Variants in SPINK6 observed in about 807,000 individuals in gnomAD.
SPINK6 encodes serine protease inhibitor Kazal-type 6.
Under a neutral mutation model 11.7 loss-of-function variants are expected in SPINK6, and 13 were observed. The observed-to-expected ratio is 1.11, with a 90% confidence interval of 0.72 to 1.76. The LOEUF is 1.76. SPINK6 is among the 40% of genes most tolerant of loss of function. The pLI is 0.00. For synonymous variants in SPINK6, 21 were observed against 31.9 expected (o/e 0.66, Z 1.15); for missense variants, 98 against 93.7 (o/e 1.05, Z -0.19).
chr5:148,205,914 T>C (rs1755491519), intron 1 of SPINK6, 122 bp from the exon 2 acceptor site: 1 of 992,864 alleles, frequency 1.0e-6, no homozygotes, highest in Non-Finnish European at 1.5e-6. Context: ...ACAAAAAAAA[T>C]ACGATGACTT....
At chr5:148,203,706 A>C (rs530083951) in intron 1 of SPINK6, among the ~76,000 whole-genome samples, 2 of 152,346 alleles carry the variant, frequency 1.3e-5, no homozygotes, top group South Asian at 4.1e-4. Context: ...AAAATCTTTG[A>C]AAATATGTAA....
chr5:148,203,185 A>C lies in SPINK6; in HGVS notation c.58+31A>C, dbSNP rs753307138. On this transcript the variant is annotated intron_variant, in intron 1 of 3. Coordinates refer to ENST00000325630, the MANE Select transcript of SPINK6 (RefSeq NM_205841.4). ...TTTTTTCTTAAAATTAAGATCCCAT[A>C]TTTATACTGAACTGGATATGATGAG... 1.2e-5 allele frequency: 19 copies of C among 1,531,312 alleles called. No individual in the cohort carries two copies. In the Admixed American group the frequency reaches 1.4e-4, roughly 11 times the overall value. 94.9% of individuals were successfully genotyped at this position (1,531,312 alleles called of 1,614,324 possible). A position where few individuals can be genotyped will look rare whatever the true frequency, so the allele number is the denominator to read the frequency against.
rs1034796680 is a variant in SPINK6 at position 148,206,624 on chromosome 5, A to C, written c.81+566A>C. On this transcript the variant is annotated intron_variant, in intron 2 of 3. Transcript: ENST00000325630. ...GAGGATATACAGACTGATTCACTCAAATTTTAATAATATTTGGTTTAAAAA... is the reference window on the plus strand; with the variant it reads ...GAGGATATACAGACTGATTCACTCACATTTTAATAATATTTGGTTTAAAAA... Among the ~76,000 whole-genome samples, 3 of 152,200 alleles carry C rather than the reference A, an allele frequency of 2.0e-5. No individual in the cohort carries two copies. The South Asian group carries it at 6.2e-4, about 31-fold the overall frequency.
intron 1 of SPINK6, among the ~76,000 whole-genome samples, chr5:148,205,433 T>C (rs1451084441): frequency 6.6e-6 from 1 of 152,182 alleles, no homozygotes; most frequent in Non-Finnish European, 1.5e-5. Context: ...AACAAGACTA[T>C]ATATATGGGA....
Position 148,210,007 on chromosome 5 carries a change from C to CATACACATGTACGTATGT in SPINK6, c.82-3901_82-3900insACACATGTACGTATGTAT, listed in dbSNP as rs1554112271. Among the ~76,000 whole-genome samples the CATACACATGTACGTATGT allele has an allele frequency of 4.7e-5, 5 of 105,736 alleles. 2 individuals carry two copies. Among genetic ancestry groups the CATACACATGTACGTATGT allele is most frequent in the Middle Eastern group, 9.4e-3 (2 of 212 alleles). 69.4% of individuals were successfully genotyped at this position (105,736 alleles called of 152,430 possible). On this transcript the variant is annotated intron_variant, in intron 2 of 3. Coordinates refer to ENST00000325630, the MANE Select transcript of SPINK6 (RefSeq NM_205841.4). ...ATGTATACATATACACGTATGTATA[C>CATACACATGTACGTATGT]ATGTATGTACGCATGTACGCATGCA...
chr5:148,203,235 C>A, intron 1 of SPINK6, 81 bp downstream of exon 1: 1 of 1,067,222 alleles, frequency 9.4e-7, no homozygotes, highest in Non-Finnish European at 1.4e-6. Flanking sequence ...ATTTTAAATC[C>A]TAATGATTTT....
At chr5:148,213,764 A>G in intron 2 of SPINK6, 146 bp from the exon 3 acceptor site, 2 of 586,854 alleles carry the variant, frequency 3.4e-6, no homozygotes, top group South Asian at 2.2e-5. Flanking sequence ...AATACATCAG[A>G]TAAGGAGAGC....
intron 2 of SPINK6, among the ~76,000 whole-genome samples, chr5:148,212,609 T>TC (rs1561733747): frequency 4.2e-4 from 45 of 107,094 alleles, no homozygotes; most frequent in African/African-American, 6.2e-4. Flanking sequence ...ATATATAATA[T>TC]ATATTTATAT....
intron 2 of SPINK6, among the ~76,000 whole-genome samples, chr5:148,207,797 T>A (rs1156293278): frequency 6.6e-6 from 1 of 151,968 alleles, no homozygotes; most frequent in Non-Finnish European, 1.5e-5. Flanking sequence ...CACTGCAGAG[T>A]GTTTTCTAAA....
intron 2 of SPINK6, among the ~76,000 whole-genome samples, chr5:148,212,480 T>TTATA (rs201941959): frequency 4.5e-4 from 44 of 97,006 alleles, no homozygotes; most frequent in East Asian, 3.6e-3. Flanking sequence ...TACATATTTT[T>TTATA]TATATATATA....
chr5:148,209,341 G>C (rs984863104), intron 2 of SPINK6, among the ~76,000 whole-genome samples: 1 of 152,166 alleles, frequency 6.6e-6, no homozygotes. Context: ...TGAGCTTTCC[G>C]TGGCTGCATA....
At chr5:148,214,538 G>A (rs906128995) in intron 3 of SPINK6, among the ~76,000 whole-genome samples, 3 of 152,022 alleles carry the variant, frequency 2.0e-5, no homozygotes, top group Non-Finnish European at 4.4e-5. Flanking sequence ...AATGTCAAAC[G>A]CCTGAATATC....
chr5:148,205,915 A>C (rs1755491568), intron 1 of SPINK6, 121 bp from the exon 2 acceptor site: 2 of 1,032,570 alleles, frequency 1.9e-6, no homozygotes, highest in African/African-American at 3.3e-5. Context: ...CAAAAAAAAT[A>C]CGATGACTTT....
chr5:148,211,357 A>G (rs1249969639), intron 2 of SPINK6, among the ~76,000 whole-genome samples: 1 of 152,220 alleles, frequency 6.6e-6, no homozygotes, highest in Admixed American at 6.5e-5. Flanking sequence ...GAAGAGTCCC[A>G]GGATACCATT....
chr5:148,211,440 G>A (rs757753973), intron 2 of SPINK6, among the ~76,000 whole-genome samples: 1 of 152,116 alleles, frequency 6.6e-6, no homozygotes, highest in African/African-American at 2.4e-5. Flanking sequence ...GCATAGACCT[G>A]TAATAAGGTT....
chr5:148,209,969 T>TACGTATGTATGTATACAGACAC (rs1561732069), intron 2 of SPINK6, among the ~76,000 whole-genome samples: 1 of 126,610 alleles, frequency 7.9e-6, no homozygotes, highest in South Asian at 2.7e-4. Flanking sequence ...TATACATACA[T>TACGTATGTATGTATACAGACAC]ACGTACGTAT....
chr5:148,210,007 C>CATACACACGTCCGTATGT (rs1554112271), intron 2 of SPINK6, among the ~76,000 whole-genome samples: 1 of 105,730 alleles, frequency 9.5e-6, no homozygotes, highest in Admixed American at 8.4e-5. Flanking sequence ...CGTATGTATA[C>CATACACACGTCCGTATGT]ATGTATGTAC....
At position 148,214,915 on chromosome 5, in the gene SPINK6, G is replaced by A. The variant is rs760970575; in HGVS notation, c.208G>A (p.Gly70Arg). The change falls in exon 4 of 4, where the codon GGA becomes AGA. Residue 70 changes from glycine to arginine, a missense_variant. Gly to Arg is a moderately radical substitution (Grantham distance 125). Transcript: ENST00000325630. ...AFCKAIVKSG[G>R]KISLKHPGKC ...CTTTCTTTTTTGTAGGAAAAGTGGT[G>A]GAAAGATTAGCCTAAAGCATCCTGG... 1.2e-6 allele frequency: 2 copies of A among 1,613,480 alleles called. No homozygotes were observed. Among genetic ancestry groups the A allele is most frequent in the South Asian group, 1.1e-5 (1 of 91,008 alleles).
chr5:148,205,971 G>T, intron 1 of SPINK6, 65 bp from the exon 2 acceptor site: 2 of 1,559,544 alleles, frequency 1.3e-6, no homozygotes, highest in South Asian at 2.2e-5. Context: ...ATTTCCTAAT[G>T]TTGAAAATTT....
Sources: gnomAD v4.1 joint callset for allele counts (sites outside exome capture counted in the v4.1 genomes callset) on GRCh38, gnomAD v4.1.1 for gene constraint, MANE v1.5 for transcripts, NCBI Gene and HGNC (gene_info 2026-07-23, HGNC 2026-07-21) for gene names.